AOPEP: variants seen among roughly 807,000 people sequenced by gnomAD.
AOPEP encodes aminopeptidase O (putative), also known as aminopeptidase O.
A neutral mutation model predicts 98.1 loss-of-function variants in AOPEP; 77 were observed. The ratio of observed to expected loss-of-function variants is 0.78; its 90% CI spans 0.65 to 0.95. The LOEUF is 0.95. Ranked by LOEUF, AOPEP falls within the 40% of genes least tolerant of loss-of-function variation. The probability of loss-of-function intolerance (pLI) is 0.00; values close to 1 mark genes in which losing one functional copy is unlikely to be tolerated. For synonymous variants in AOPEP, 346 were observed against 365.3 expected (o/e 0.95, Z 0.60); for missense variants, 1,024 against 1,024.7 (o/e 1.00, Z 0.01).
At chr9:94,909,367 AAAG>A (rs2051658859) in intron 5 of AOPEP, among the ~76,000 whole-genome samples, 1 of 151,662 alleles carries the variant, frequency 6.6e-6, no homozygotes, top group Non-Finnish European at 1.5e-5. Context: ...AAAAAAAAAA[AAAG>A]AATGAGAAAA....
the AOPEP span, among the ~76,000 whole-genome samples, chr9:95,102,959 C>G: frequency 6.6e-6 from 1 of 152,186 alleles, no homozygotes; most frequent in African/African-American, 2.4e-5. Flanking sequence ...CCGGCTGTAG[C>G]CCAGGCACGT....
chr9:95,114,755 C>G, the AOPEP span: 39 of 1,570,874 alleles, frequency 2.5e-5, no homozygotes, highest in Non-Finnish European at 3.4e-5. Flanking sequence ...GAGGAAATGT[C>G]AAGCCCATGA....
chr9:94,804,224 C>T (rs573684571), intron 5 of AOPEP, among the ~76,000 whole-genome samples: 1 of 152,248 alleles, frequency 6.6e-6, no homozygotes, highest in Admixed American at 6.5e-5. Context: ...ATGACAGTTG[C>T]TTAAAAATTA....
rs2069657713 is a variant in AOPEP, at chr9:95,080,774, G to A, written c.2313G>A (p.Glu771=). The A allele has an allele frequency of 1.2e-6, 2 of 1,612,276 alleles. No individual in the cohort carries two copies. The highest frequency in any genetic ancestry group is 8.5e-7 in the Non-Finnish European group (1 of 1,178,424). ...AYKSVERFLQ[E]DQAMGVYLYG... ...AAAGTGTGGAGAGGTTCCTTCAGGA[G>A]GATCAGGTAGGTGTCATCTTTCAGC... is the stretch of plus-strand genomic sequence containing the variant. Residue 771 remains glutamate (E), a synonymous_variant, in exon 15 of 17, where the codon GAG becomes GAA. Transcript: ENST00000375315.
At chr9:94,839,330 C>T (rs7849970) in intron 5 of AOPEP, among the ~76,000 whole-genome samples, 5,787 of 152,072 alleles carry the variant, frequency 0.038, 351 homozygotes, top group African/African-American at 0.13. Flanking sequence ...CCATGTGATC[C>T]GCCCACCTCG....
At chr9:95,110,900 G>T in the AOPEP span, 1 of 1,284,548 alleles carries the variant, frequency 7.8e-7, no homozygotes, top group South Asian at 2.0e-5. Flanking sequence ...ATACTTAGCT[G>T]CTCTGTTATT....
intron 7 of AOPEP, among the ~76,000 whole-genome samples, chr9:94,945,661 G>C (rs1393453078): frequency 2.0e-5 from 3 of 152,098 alleles, no homozygotes; most frequent in Non-Finnish European, 1.5e-5. Context: ...GCTCCCACGG[G>C]CCATCTGCTC....
intron 5 of AOPEP, among the ~76,000 whole-genome samples, chr9:94,840,112 T>G (rs1379202433): frequency 1.3e-5 from 2 of 152,208 alleles, no homozygotes; most frequent in African/African-American, 4.8e-5. Flanking sequence ...CTGTCACCAT[T>G]AAGTATGACA....
At chr9:95,068,080 A>G (rs1211427929) in intron 14 of AOPEP, among the ~76,000 whole-genome samples, 2 of 152,246 alleles carry the variant, frequency 1.3e-5, no homozygotes, top group East Asian at 3.8e-4. Flanking sequence ...TGATCCACAC[A>G]TCAGCTGATG....
At chr9:95,103,133 G>A in the AOPEP span, among the ~76,000 whole-genome samples, 1 of 152,044 alleles carries the variant, frequency 6.6e-6, no homozygotes, top group Non-Finnish European at 1.5e-5. Flanking sequence ...CCCAGACCCT[G>A]AGCGGGAGGA....
chr9:95,014,050 T>C (rs1411249828), intron 13 of AOPEP, among the ~76,000 whole-genome samples: 1 of 152,212 alleles, frequency 6.6e-6, no homozygotes, highest in Non-Finnish European at 1.5e-5. Context: ...CCAAATAAGG[T>C]ATTATATATG....
intron 5 of AOPEP, among the ~76,000 whole-genome samples, chr9:94,884,093 C>G (rs1421193600): frequency 6.6e-6 from 1 of 152,230 alleles, no homozygotes; most frequent in Non-Finnish European, 1.5e-5. Context: ...GCTGCTTGGA[C>G]CTGCCCTCTG....
chr9:95,092,831 A>G, the AOPEP span, among the ~76,000 whole-genome samples: 4 of 152,182 alleles, frequency 2.6e-5, no homozygotes, highest in African/African-American at 9.7e-5. Flanking sequence ...TCGGACGCTC[A>G]TGGCGAGCTC....
At chr9:95,125,053 G>A in the AOPEP span, 1 of 1,550,560 alleles carries the variant, frequency 6.4e-7, no homozygotes, top group South Asian at 1.1e-5. Context: ...TTATTCTCTG[G>A]GATGAATGAG....
chr9:94,829,144 C>T (rs959214161), intron 5 of AOPEP, among the ~76,000 whole-genome samples: 4 of 152,038 alleles, frequency 2.6e-5, no homozygotes, highest in Admixed American at 1.3e-4. Flanking sequence ...GCTGGAATTA[C>T]AGGCATGAGC....
chr9:94,794,325 T>TGACA (rs1247845292), intron 4 of AOPEP, among the ~76,000 whole-genome samples: 1 of 152,210 alleles, frequency 6.6e-6, no homozygotes, highest in Non-Finnish European at 1.5e-5. Flanking sequence ...TTTTTCCTAT[T>TGACA]GACAGACAGT....
At chr9:94,979,269 A>G (rs1156275293) in intron 10 of AOPEP, 98 bp from the exon 11 acceptor site, 1 of 758,820 alleles carries the variant, frequency 1.3e-6, no homozygotes, top group African/African-American at 1.7e-5. Context: ...CTTCTGGAAG[A>G]TCGATGCTGT....
intron 5 of AOPEP, among the ~76,000 whole-genome samples, chr9:94,913,266 G>C (rs75743366): frequency 0.016 from 2,398 of 152,246 alleles, 64 homozygotes; most frequent in African/African-American, 0.055. Context: ...TAAATGGAAA[G>C]GTTAGTTAAA....
In AOPEP at chr9:94,736,602, A is replaced by G. The variant is rs1199862932; in HGVS notation, c.-136+9851A>G. 3.3e-5 allele frequency among the ~76,000 whole-genome samples: 5 copies of G among 152,326 alleles called. No individual in the cohort carries two copies. The South Asian group carries it at 8.3e-4, about 25-fold the overall frequency. On this transcript the variant is annotated intron_variant, in intron 1 of 16. Transcript: ENST00000375315. Reference sequence around the variant, plus strand: ...CTAATAGAGTTTAAAATGTTTTGTGAATTTTTATCCCAGCATGACAAAAAT... The same window carrying G: ...CTAATAGAGTTTAAAATGTTTTGTGGATTTTTATCCCAGCATGACAAAAAT...
Sources: gnomAD v4.1 joint callset for allele counts (sites outside exome capture counted in the v4.1 genomes callset) on GRCh38, gnomAD v4.1.1 for gene constraint, MANE v1.5 for transcripts, NCBI Gene and HGNC (gene_info 2026-07-23, HGNC 2026-07-21) for gene names.